TOP2A: variants seen among roughly 807,000 people sequenced by gnomAD.
TOP2A encodes the protein DNA topoisomerase 2-alpha.
TOP2A carries 68 observed loss-of-function variants against 187.2 expected under a neutral mutation model. The ratio of observed to expected loss-of-function variants is 0.36; its 90% confidence interval spans 0.30 to 0.44. The LOEUF (loss-of-function observed/expected upper bound fraction) is 0.44, where lower values mean the gene tolerates loss of function less well. Among genes scored for constraint, TOP2A ranks in the 20% least tolerant of loss-of-function variants. TOP2A has a pLI of 1.00. For synonymous variants in TOP2A, 542 were observed against 593.2 expected (o/e 0.91, Z 1.25); for missense variants, 1,196 against 1,808.7 (o/e 0.66, Z 6.14).
intron 10 of TOP2A, among the ~76,000 whole-genome samples, chr17:40,410,853 G>T (rs1382919335): frequency 1.3e-5 from 2 of 152,132 alleles, no homozygotes; most frequent in African/African-American, 2.4e-5. Context: ...TTAAGTGAGG[G>T]TGTTTGTTAA....
chr17:40,389,364 T>C lies in TOP2A; in HGVS notation c.*155A>G. 2.6e-6 allele frequency: 2 copies of C among 765,940 alleles called. No individual in the cohort carries two copies. Among genetic ancestry groups the C allele is most frequent in the Non-Finnish European group, 4.0e-6 (2 of 496,266 alleles). 47.4% of individuals were successfully genotyped at this position (765,940 alleles called of 1,614,324 possible). A position where few individuals can be genotyped will look rare whatever the true frequency, so the allele number is the denominator to read the frequency against. ...CTATTTAGACAGTATTATAAAAAGC[T>C]AAAGAACACTTGGGCTTTACTTCAC... On this transcript the variant is annotated 3_prime_UTR_variant, in exon 35 of 35. Coordinates refer to ENST00000423485, the MANE Select transcript of TOP2A (RefSeq NM_001067.4).
rs571067426 is a variant in TOP2A at position 40,410,387 on chromosome 17, A to G, written c.1203+722T>C. On this transcript the variant is annotated intron_variant, in intron 10 of 34. Transcript: ENST00000423485. ...AAACTGGCACTGAGATGAGTTGGAGAAGTAGGTGTAATTAGATTACAGCAG... is the reference window on the plus strand; with the variant it reads ...AAACTGGCACTGAGATGAGTTGGAGGAGTAGGTGTAATTAGATTACAGCAG... Among the ~76,000 whole-genome samples, 3 of 152,282 alleles carry G rather than the reference A, an allele frequency of 2.0e-5. No individual in the cohort carries two copies. The South Asian group carries it at 6.2e-4, about 32-fold the overall frequency.
In TOP2A at chr17:40,406,504, A is replaced by G. The variant is rs1304503506; in HGVS notation, c.1844-11T>C. On this transcript the variant is annotated splice_polypyrimidine_tract_variant and intron_variant, in intron 15 of 34. Coordinates refer to ENST00000423485, the MANE Select transcript of TOP2A (RefSeq NM_001067.4). ...TGCTGGTGCCCAAACCTATAAAACC[A>G]AAAATACCAAGTTCCTTCATATAGT... The G allele has an allele frequency of 6.2e-7, 1 of 1,612,168 alleles. No individual in the cohort carries two copies. The highest frequency in any genetic ancestry group is 1.3e-5 in the African/African-American group (1 of 74,836).
Position 40,416,870 on chromosome 17 carries a change from T to C in TOP2A, c.47A>G (p.Asn16Ser), listed in dbSNP as rs756092705. 2.5e-6 allele frequency: 4 copies of C among 1,602,924 alleles called. No homozygotes were observed. The highest frequency in any genetic ancestry group is 3.4e-6 in the Non-Finnish European group (4 of 1,176,434). The stretch of plus-strand genomic sequence containing the variant: ...AGCATCTTCATTTTTCTTTATTTTG[T>C]TGACTTGCATATTTTCATTTACAGG... ...LQPVNENMQV[N>S]KIKKNEDAKK... Residue 16 changes from asparagine (N) to serine (S), a missense_variant, in exon 2 of 35, where the codon AAC becomes AGC. This residue lies in a region of TOP2A where 97 missense variants were observed against 171.0 expected (regional missense o/e 0.57). Transcript: ENST00000423485.
intron 29 of TOP2A, among the ~76,000 whole-genome samples, chr17:40,393,882 C>A (rs1029456455): frequency 6.6e-6 from 1 of 151,866 alleles, no homozygotes; most frequent in Non-Finnish European, 1.5e-5. Flanking sequence ...ATGGTGAAAC[C>A]CTGTTTCTAC....
intron 7 of TOP2A, among the ~76,000 whole-genome samples, chr17:40,412,228 T>A (rs184753042): frequency 6.6e-6 from 1 of 152,240 alleles, no homozygotes; most frequent in East Asian, 1.9e-4. Context: ...AAAAAGGACA[T>A]GAAATATTTA....
At chr17:40,416,639 T>G in intron 2 of TOP2A, 101 bp downstream of exon 2, 4 of 1,465,376 alleles carry the variant, frequency 2.7e-6, no homozygotes, top group Non-Finnish European at 3.8e-6. Context: ...ACTCAGTACA[T>G]GAGAGATACA....
intron 16 of TOP2A, among the ~76,000 whole-genome samples, 184 bp downstream of exon 16, chr17:40,406,200 C>T (rs948227904): frequency 6.6e-6 from 1 of 152,022 alleles, no homozygotes; most frequent in Non-Finnish European, 1.5e-5. Context: ...CAAGCCCAGC[C>T]AAAAATCAAA....
chr17:40,390,040 G>C lies in TOP2A; in HGVS notation c.4392C>G (p.Arg1464=). 6.2e-7 allele frequency: 1 copy of C among 1,613,890 alleles called. No individual in the cohort carries two copies. The highest frequency in any genetic ancestry group is 8.5e-7 in the Non-Finnish European group (1 of 1,179,872). The change falls in exon 34 of 35, where the codon CGC becomes CGG. Residue 1464 remains arginine, a synonymous_variant. Transcript: ENST00000423485. ...KPDPAKTKNR[R]KRKPSTSDDS... The stretch of plus-strand genomic sequence containing the variant: ...CATCAGAAGTGGATGGCTTCCTTTT[G>C]CGGCGATTCTTGGTTTTGGCAGGAT...
At chr17:40,395,321 T>G in intron 29 of TOP2A, 128 bp downstream of exon 29, 10 of 443,824 alleles carry the variant, frequency 2.3e-5, no homozygotes, top group Non-Finnish European at 2.7e-5. Context: ...CAAGTAGAAT[T>G]GAGATACAGT....
intron 6 of TOP2A, 90 bp from the exon 7 acceptor site, chr17:40,413,061 TAATA>T: frequency 7.8e-7 from 1 of 1,286,544 alleles, no homozygotes; most frequent in South Asian, 1.3e-5. Context: ...CCTAATAACC[TAATA>T]TATATGCTTA....
chr17:40,396,503 A>G, intron 27 of TOP2A, 38 bp from the exon 28 acceptor site: 1 of 1,585,904 alleles, frequency 6.3e-7, no homozygotes, highest in Non-Finnish European at 8.6e-7. Flanking sequence ...TTAAATGTTA[A>G]CAAAAACATT....
rs1316356329 is a variant in TOP2A at position 40,392,314 on chromosome 17, T to A, written c.3992A>T (p.Asp1331Val). ...AAAATCTGAGAAATCTTCATCTGAA[T>A]CCAAATCCATTGTGAATTTTGTTTT... ...ATKTKFTMDLDSDEDFSDFDE... is the reference protein window; with the variant it reads ...ATKTKFTMDLVSDEDFSDFDE... Residue 1331 changes from aspartate to valine, a missense_variant, in exon 31 of 35, where the codon GAT (aspartate) becomes GTT (valine). Transcript: ENST00000423485. 1.9e-6 allele frequency: 3 copies of A among 1,597,726 alleles called. No individual in the cohort carries two copies. In the African/African-American group the frequency reaches 4.0e-5, roughly 21 times the overall value.
intron 10 of TOP2A, chr17:40,409,298 CCTGGGAGGCGCGGGTTGCAGTGAA>C (rs113829040): frequency 0.027 from 9,849 of 359,072 alleles, 236 homozygotes; most frequent in African/African-American, 0.084. Flanking sequence ...ATTGCTTTAA[CCTGGGAGGCGCGGGTTGCAGTGAA>C]CTGAGATCAA....
rs773690301 is a variant in TOP2A at position 40,396,346 on chromosome 17, G to A, written c.3657C>T (p.Val1219=). The change falls in exon 28 of 35, where the codon GTC becomes GTT. Residue 1219 remains valine, a synonymous_variant. Coordinates refer to ENST00000423485, the MANE Select transcript of TOP2A (RefSeq NM_001067.4). ...TCATTTCTATGGTTATTCGTGGAAT[G>A]ACTCTTTGACCACGCGGAGAAGGCA... ...EVLPSPRGQR[V]IPRITIEMKA... The A allele has an allele frequency of 6.2e-7, 1 of 1,613,618 alleles. No homozygotes were observed. Among genetic ancestry groups the A allele is most frequent in the South Asian group, 1.1e-5 (1 of 91,062 alleles).
In TOP2A at chr17:40,411,964, G is replaced by T; in HGVS notation, c.790-146C>A. 1 of 649,192 alleles carries T rather than the reference G, an allele frequency of 1.5e-6. No individual in the cohort carries two copies. The highest frequency in any genetic ancestry group is 2.5e-6 in the Non-Finnish European group (1 of 406,840). 40.2% of individuals were successfully genotyped at this position (649,192 alleles called of 1,614,324 possible). A position where few individuals can be genotyped will look rare whatever the true frequency, so the allele number is the denominator to read the frequency against. On this transcript the variant is annotated intron_variant, in intron 7 of 34. Coordinates refer to ENST00000423485, the MANE Select transcript of TOP2A (RefSeq NM_001067.4). This position sits in a 1 kb window ranked among gnomAD's most constrained non-coding sequence, Gnocchi z 4.4. ...TCATTAAAGGACACAGGCCGAGGTG[G>T]GTGGATCACTTGAGCCCAGGAGTTC...
chr17:40,416,737 T>C lies in TOP2A; in HGVS notation c.177+3A>G. 1 of 1,605,352 alleles carries C rather than the reference T, an allele frequency of 6.2e-7. No homozygotes were observed. The highest frequency in any genetic ancestry group is 8.5e-7 in the Non-Finnish European group (1 of 1,177,480). On this transcript the variant is annotated splice_donor_region_variant and intron_variant, in intron 2 of 34. Coordinates refer to ENST00000423485, the MANE Select transcript of TOP2A (RefSeq NM_001067.4). ...TAACTGCCTTTGATGAGCTTGATTT[T>C]ACCTGGGTCACTAATTCCACAGAAC...
intron 4 of TOP2A, 67 bp downstream of exon 4, chr17:40,415,938 G>C: frequency 1.8e-6 from 2 of 1,121,934 alleles, no homozygotes; most frequent in Non-Finnish European, 2.6e-6. Flanking sequence ...AACTTCACCA[G>C]TAATCAAAAT....
intron 29 of TOP2A, 75 bp downstream of exon 29, chr17:40,395,374 C>A (rs2143632308): frequency 2.4e-6 from 2 of 819,352 alleles, no homozygotes; most frequent in Non-Finnish European, 3.7e-6. Context: ...TTTTGAACAT[C>A]TATGTGGAAT....
Sources: allele counts gnomAD v4.1 joint callset (sites outside exome capture counted in the v4.1 genomes callset), GRCh38; gene constraint gnomAD v4.1.1; regional missense constraint gnomAD v4.1.1; non-coding constraint Gnocchi (gnomAD v3.1); transcripts MANE v1.5; gene names NCBI Gene and HGNC (gene_info 2026-07-23, HGNC 2026-07-21).